CBL: variants seen among roughly 807,000 people sequenced by gnomAD.
CBL encodes E3 ubiquitin-protein ligase CBL.
Under a neutral mutation model 96.9 loss-of-function variants are expected in CBL, and 45 were observed. The observed-to-expected ratio is 0.46, with a 90% CI of 0.37 to 0.60. The LOEUF is 0.60. Among genes scored for constraint, CBL ranks in the 20% least tolerant of loss-of-function variants. The pLI, the probability that CBL is intolerant of heterozygous loss-of-function variation, is 0.00. For synonymous variants in CBL, 420 were observed against 426.8 expected (o/e 0.98, Z 0.20); for missense variants, 1,024 against 1,143.5 (o/e 0.90, Z 1.51).
At chr11:119,208,193 T>C (rs545898173) in intron 1 of CBL, among the ~76,000 whole-genome samples, 3 of 152,348 alleles carry the variant, frequency 2.0e-5, no homozygotes, top group South Asian at 2.1e-4. Flanking sequence ...ATCGAAGATA[T>C]TCAAATGCTA....
In CBL at chr11:119,296,990, C is replaced by G. The variant is rs1281659114; in HGVS notation, c.2109C>G (p.Pro703=). Residue 703 remains proline, a synonymous_variant, in exon 13 of 16, where the codon CCC becomes CCG. Coordinates refer to ENST00000264033, the MANE Select transcript of CBL (RefSeq NM_005188.4). ...AAGAGGACACAGAGTACATGACTCC[C>G]TCTTCCAGGCCTCTACGGCCTTTGG... ...EGEEDTEYMT[P]SSRPLRPLDT... 1 of 1,611,392 alleles carries G rather than the reference C, an allele frequency of 6.2e-7. No homozygotes were observed. Among genetic ancestry groups the G allele is most frequent in the Middle Eastern group, 1.7e-4 (1 of 6,056 alleles).
Position 119,297,494 on chromosome 11 carries a change from T to G in CBL, c.2251+13T>G, listed in dbSNP as rs989451985. ...AGCAGCACCTTTGGTAAGTTGCCAT[T>G]CTGCTACTTTAAAAATCATTGATAT... On this transcript the variant is annotated intron_variant, in intron 14 of 15. Coordinates refer to ENST00000264033, the MANE Select transcript of CBL (RefSeq NM_005188.4). The G allele has an allele frequency of 1.0e-5, 16 of 1,565,772 alleles. No individual in the cohort carries two copies. Among genetic ancestry groups the G allele is most frequent in the Non-Finnish European group, 1.4e-5 (16 of 1,137,438 alleles).
rs2135301499 is a variant in CBL, at chr11:119,276,037, G to A, written c.910G>A (p.Ala304Thr). 6.2e-7 allele frequency: 1 copy of A among 1,613,910 alleles called. No individual in the cohort carries two copies. The highest frequency in any genetic ancestry group is 8.5e-7 in the Non-Finnish European group (1 of 1,179,842). Residue 304 changes from alanine to threonine, a missense_variant, in exon 6 of 16, where the codon GCT (alanine) becomes ACT (threonine). Coordinates refer to ENST00000264033, the MANE Select transcript of CBL (RefSeq NM_005188.4). ...RLSCTRLGQW[A>T]IGYVTADGNI... ...GAGCTGTACTCGTCTGGGTCAGTGG[G>A]CTATTGGGTATGTTACTGCTGATGG... is the stretch of plus-strand genomic sequence containing the variant.
chr11:119,287,529 A>G (rs1387982466), intron 11 of CBL, among the ~76,000 whole-genome samples: 1 of 152,224 alleles, frequency 6.6e-6, no homozygotes, highest in Non-Finnish European at 1.5e-5. Flanking sequence ...TCAGTATAGA[A>G]TGACCATTTT....
rs2135322051 is a variant in CBL, at chr11:119,299,541, C to T, written c.2481C>T (p.Phe827=). ...SQVPERPPKP[F]PRRINSERKA... Reference sequence around the variant, plus strand: ...TTCCCGAGAGGCCTCCAAAACCATTCCCGCGGAGAATCAACTCTGAACGGA... The same window carrying T: ...TTCCCGAGAGGCCTCCAAAACCATTTCCGCGGAGAATCAACTCTGAACGGA... The change falls in exon 16 of 16, where the codon TTC becomes TTT. Residue 827 remains phenylalanine, a synonymous_variant. Coordinates refer to ENST00000264033, the MANE Select transcript of CBL (RefSeq NM_005188.4). The T allele has an allele frequency of 6.2e-7, 1 of 1,614,184 alleles. No homozygotes were observed. The highest frequency in any genetic ancestry group is 8.5e-7 in the Non-Finnish European group (1 of 1,180,020).
At chr11:119,294,785 G>A (rs930624000) in intron 12 of CBL, among the ~76,000 whole-genome samples, 2 of 127,656 alleles carry the variant, frequency 1.6e-5, no homozygotes, top group East Asian at 2.6e-4. Context: ...GTGAGACTCC[G>A]TCTCAAAAAG....
intron 1 of CBL, among the ~76,000 whole-genome samples, chr11:119,210,603 ATTT>A (rs768564444): frequency 2.0e-5 from 2 of 98,656 alleles, no homozygotes; most frequent in African/African-American, 4.3e-5. Flanking sequence ...TAATTTTTCA[ATTT>A]TTTTTTTTTT....
At chr11:119,209,792 A>G (rs1949302523) in intron 1 of CBL, among the ~76,000 whole-genome samples, 1 of 152,098 alleles carries the variant, frequency 6.6e-6, no homozygotes, top group African/African-American at 2.4e-5. Context: ...TTCCCCCAAT[A>G]TTGGATATAT....
rs906346157 is a variant in CBL, at chr11:119,299,982, T to C, written c.*201T>C. On this transcript the variant is annotated 3_prime_UTR_variant, in exon 16 of 16. Coordinates refer to ENST00000264033, the MANE Select transcript of CBL (RefSeq NM_005188.4). ...CTAGTATGTTTTATTATTTTATGGGTCTTGAGTGCATTTGAAGGTGTCCTT... is the reference window on the plus strand; with the variant it reads ...CTAGTATGTTTTATTATTTTATGGGCCTTGAGTGCATTTGAAGGTGTCCTT... The C allele has an allele frequency of 7.8e-6, 5 of 640,662 alleles. No individual in the cohort carries two copies. Among genetic ancestry groups the C allele is most frequent in the Non-Finnish European group, 1.1e-5 (4 of 361,788 alleles). 39.7% of individuals were successfully genotyped at this position (640,662 alleles called of 1,614,324 possible).
At chr11:119,270,434 A>T (rs1256549140) in intron 2 of CBL, among the ~76,000 whole-genome samples, 12 of 41,540 alleles carry the variant, frequency 2.9e-4, no homozygotes, top group Non-Finnish European at 4.1e-4. Flanking sequence ...ATATATATAT[A>T]TATTTTTTTT....
chr11:119,288,652 A>G (rs1436653104), intron 12 of CBL, among the ~76,000 whole-genome samples: 1 of 152,202 alleles, frequency 6.6e-6, no homozygotes, highest in Non-Finnish European at 1.5e-5. Context: ...ATTAGTTCCA[A>G]GACCCCAGCA....
At position 119,297,500 on chromosome 11, in the gene CBL, A is replaced by ACTTTTTCC; in HGVS notation, c.2251+23_2251+24insTTCCCTTT. 6.5e-7 allele frequency: 1 copy of ACTTTTTCC among 1,543,446 alleles called. No individual in the cohort carries two copies. Among genetic ancestry groups the ACTTTTTCC allele is most frequent in the Non-Finnish European group, 9.0e-7 (1 of 1,117,194 alleles). ...ACCTTTGGTAAGTTGCCATTCTGCTACTTTAAAAATCATTGATATGTCATA... is the reference window on the plus strand; with the variant it reads ...ACCTTTGGTAAGTTGCCATTCTGCTACTTTTTCCCTTTAAAAATCATTGATATGTCATA... On this transcript the variant is annotated intron_variant, in intron 14 of 15. Transcript: ENST00000264033.
intron 15 of CBL, among the ~76,000 whole-genome samples, chr11:119,299,107 T>C (rs530451856): frequency 6.6e-6 from 1 of 152,370 alleles, no homozygotes; most frequent in African/African-American, 2.4e-5. Context: ...CAGCCTTGGC[T>C]AATGCTTCTT....
In CBL at chr11:119,244,651, G is replaced by C. The variant is rs185993089; in HGVS notation, c.443+11956G>C. Among the ~76,000 whole-genome samples the C allele has an allele frequency of 9.7e-3, 1,453 of 149,320 alleles. 16 individuals carry two copies. Among genetic ancestry groups the C allele is most frequent in the Middle Eastern group, 0.031 (9 of 294 alleles). On this transcript the variant is annotated intron_variant, in intron 2 of 15. Transcript: ENST00000264033. Reference sequence around the variant, plus strand: ...GCCTGGAGTGCAGTGGCGTGATCTCGGCTCACTGCAAGCTCCGCCTCCCGG... The same window carrying C: ...GCCTGGAGTGCAGTGGCGTGATCTCCGCTCACTGCAAGCTCCGCCTCCCGG...
At chr11:119,248,670 A>G (rs1292413547) in intron 2 of CBL, among the ~76,000 whole-genome samples, 1 of 152,234 alleles carries the variant, frequency 6.6e-6, no homozygotes, top group African/African-American at 2.4e-5. Flanking sequence ...AACTTTGTTC[A>G]TCAAAGGACA....
In CBL at chr11:119,264,382, T is replaced by TC. The variant is rs1254628153; in HGVS notation, c.444-7353_444-7352insC. On this transcript the variant is annotated intron_variant, in intron 2 of 15. Coordinates refer to ENST00000264033, the MANE Select transcript of CBL (RefSeq NM_005188.4). ...CTCCAGTCTTTTATTATGATCTTTC[T>TC]TTTCTTTTCTCTTCTCTTCTCTTCT... is the stretch of plus-strand genomic sequence containing the variant. Among the ~76,000 whole-genome samples the TC allele has an allele frequency of 7.5e-4, 104 of 138,760 alleles. 1 individual carries two copies. The highest frequency in any genetic ancestry group is 2.6e-3 in the African/African-American group (97 of 37,082). The allele number at this position is 138,760 out of a possible 152,430, so 91.0% of individuals were successfully genotyped here. A position where few individuals can be genotyped will look rare whatever the true frequency, so the allele number is the denominator to read the frequency against.
chr11:119,245,956 C>CTTTTTTTTTTTTT lies in CBL; in HGVS notation c.443+13283_443+13295dup, dbSNP rs71048054. Among the ~76,000 whole-genome samples the CTTTTTTTTTTTTT allele has an allele frequency of 2.4e-4, 13 of 54,290 alleles. 1 individual carries two copies. Among genetic ancestry groups the CTTTTTTTTTTTTT allele is most frequent in the East Asian group, 6.4e-4 (1 of 1,568 alleles). The allele number at this position is 54,290 out of a possible 152,430, so 35.6% of individuals were successfully genotyped here. The stretch of plus-strand genomic sequence containing the variant: ...TAAGACAGACGCATTCTTTGCAAAT[C>CTTTTTTTTTTTTT]TTTTTTTTTTTTTTTTTTTTTTTTT... On this transcript the variant is annotated intron_variant, in intron 2 of 15. Coordinates refer to ENST00000264033, the MANE Select transcript of CBL (RefSeq NM_005188.4).
At position 119,284,859 on chromosome 11, in the gene CBL, A is replaced by G. The variant is rs17848894; in HGVS notation, c.1432-110A>G. 1.2e-3 allele frequency: 1,584 copies of G among 1,343,826 alleles called. 24 individuals are homozygous for G. In the East Asian group the frequency reaches 0.034, roughly 29 times the overall value. 83.2% of individuals were successfully genotyped at this position (1,343,826 alleles called of 1,614,324 possible). A position where few individuals can be genotyped will look rare whatever the true frequency, so the allele number is the denominator to read the frequency against. ...GCGACCTCAAACCTAGGTCTGGCCC[A>G]TTTGTAGTTTAAGTGTTCCCATGGT... On this transcript the variant is annotated intron_variant, in intron 9 of 15. Coordinates refer to ENST00000264033, the MANE Select transcript of CBL (RefSeq NM_005188.4).
intron 10 of CBL, 43 bp from the exon 11 acceptor site, chr11:119,285,146 A>T: frequency 6.2e-7 from 1 of 1,614,046 alleles, no homozygotes; most frequent in Non-Finnish European, 8.5e-7. Context: ...TTTGCTGTGT[A>T]CTAGTGGGTT....
Sources: gnomAD v4.1 joint callset for allele counts (sites outside exome capture counted in the v4.1 genomes callset) on GRCh38, gnomAD v4.1.1 for gene constraint, MANE v1.5 for transcripts, NCBI Gene and HGNC (gene_info 2026-07-23, HGNC 2026-07-21) for gene names.